URI1: variants seen among roughly 807,000 people sequenced by gnomAD.
URI1 encodes URI1 prefoldin like chaperone, also known as unconventional prefoldin RPB5 interactor 1.
URI1 carries 39 observed loss-of-function variants against 60.2 expected under a neutral mutation model. The ratio of observed to expected loss-of-function variants is 0.65; its 90% confidence interval spans 0.50 to 0.85. The LOEUF is 0.85. Among genes scored for constraint, URI1 ranks in the 40% least tolerant of loss-of-function variants. The probability of loss-of-function intolerance (pLI) is 0.00; values close to 1 mark genes in which losing one functional copy is unlikely to be tolerated. For synonymous variants in URI1, 251 were observed against 236.8 expected (o/e 1.06, Z -0.55); for missense variants, 691 against 665.9 (o/e 1.04, Z -0.42).
Position 29,931,341 on chromosome 19 carries a change from A to T in URI1, c.63+7587A>T, listed in dbSNP as rs535835063. Among the ~76,000 whole-genome samples the T allele has an allele frequency of 6.6e-5, 10 of 152,304 alleles. No individual in the cohort carries two copies. In the East Asian group the frequency reaches 1.7e-3, roughly 26 times the overall value. ...GGATCCATGATGAAGGTGTTGGAAA[A>T]GCCAGTTTCTCATGAAGTTTCTCTT... On this transcript the variant is annotated intron_variant, in intron 1 of 10. Coordinates refer to the URI1 transcript ENST00000360605.
chr19:29,995,321 A>G (rs941570914), intron 4 of URI1, among the ~76,000 whole-genome samples: 2 of 152,092 alleles, frequency 1.3e-5, no homozygotes, highest in African/African-American at 2.4e-5. Flanking sequence ...TTCAGTGATT[A>G]ATTATGTTGA....
intron 4 of URI1, among the ~76,000 whole-genome samples, chr19:29,987,611 T>C (rs1399002207): frequency 6.6e-6 from 1 of 152,206 alleles, no homozygotes; most frequent in Non-Finnish European, 1.5e-5. Flanking sequence ...AGCTCTGATG[T>C]TATGAAATGA....
intron 4 of URI1, among the ~76,000 whole-genome samples, chr19:29,997,294 G>A (rs191945594): frequency 1.3e-5 from 2 of 152,146 alleles, no homozygotes; most frequent in East Asian, 3.9e-4. Flanking sequence ...GTTTTTCTAG[G>A]AATTTGTCTA....
At chr19:30,003,533 G>A (rs960702239) in intron 4 of URI1, among the ~76,000 whole-genome samples, 4 of 151,952 alleles carry the variant, frequency 2.6e-5, no homozygotes, top group Non-Finnish European at 2.9e-5. Context: ...CTGTGCAATC[G>A]TATTTCAGTT....
chr19:29,967,842 T>G (rs2055408606), intron 1 of URI1, among the ~76,000 whole-genome samples: 1 of 152,206 alleles, frequency 6.6e-6, no homozygotes, highest in Non-Finnish European at 1.5e-5. Context: ...TTAAGTAAGT[T>G]ACTTCATCTC....
At chr19:29,930,597 G>T (rs1353826606) in intron 1 of URI1, among the ~76,000 whole-genome samples, 3 of 151,814 alleles carry the variant, frequency 2.0e-5, no homozygotes, top group African/African-American at 7.3e-5. Flanking sequence ...GAATGGTCTT[G>T]AAATTCTCGT....
At chr19:29,951,117 C>T (rs765331931) in intron 1 of URI1, among the ~76,000 whole-genome samples, 4 of 152,116 alleles carry the variant, frequency 2.6e-5, no homozygotes, top group African/African-American at 4.8e-5. Flanking sequence ...CACATACACG[C>T]GTGATTACAT....
At chr19:29,983,544 A>G (rs1466215749) in intron 2 of URI1, among the ~76,000 whole-genome samples, 2 of 152,110 alleles carry the variant, frequency 1.3e-5, no homozygotes, top group East Asian at 1.9e-4. Context: ...CAATTTGACA[A>G]TGTCTACATG....
intron 1 of URI1, among the ~76,000 whole-genome samples, chr19:29,950,640 TATC>T (rs1489663758): frequency 6.6e-6 from 1 of 152,184 alleles, no homozygotes; most frequent in Non-Finnish European, 1.5e-5. Flanking sequence ...CTGAAGCACT[TATC>T]ATTTTACATC....
intron 1 of URI1, chr19:29,956,273 G>T: frequency 1.3e-6 from 1 of 746,486 alleles, no homozygotes; most frequent in Non-Finnish European, 2.0e-6. Flanking sequence ...ACGGCGCCTG[G>T]CCCAGAGTAG....
chr19:29,976,758 C>T (rs1249243210), intron 2 of URI1, among the ~76,000 whole-genome samples: 1 of 152,150 alleles, frequency 6.6e-6, no homozygotes, highest in Non-Finnish European at 1.5e-5. Flanking sequence ...AAATCGTATG[C>T]ATGTGAGTTG....
rs767111698 is a variant in URI1 at position 30,014,997 on chromosome 19, G to C, written c.1536G>C (p.Leu512=). 1 of 1,613,832 alleles carries C rather than the reference G, an allele frequency of 6.2e-7. No homozygotes were observed. The highest frequency in any genetic ancestry group is 1.1e-5 in the South Asian group (1 of 91,062). The change falls in exon 11 of 11, where the codon CTG becomes CTC. Residue 512 remains leucine, a synonymous_variant. Coordinates refer to ENST00000392271, the MANE Select transcript of URI1 (RefSeq NM_003796.3). ...LPTIPERKEV[L]LEASEETGKR... ...CTATTCCAGAACGAAAGGAAGTTCT[G>C]TTGGAAGCATCTGAAGAAACTGGAA...
At chr19:29,972,242 A>G (rs1468304164) in intron 2 of URI1, among the ~76,000 whole-genome samples, 1 of 152,086 alleles carries the variant, frequency 6.6e-6, no homozygotes, top group Non-Finnish European at 1.5e-5. Context: ...TATCCACTTT[A>G]TAAGTAAAAA....
At chr19:29,955,263 C>T (rs922175036) in intron 1 of URI1, among the ~76,000 whole-genome samples, 1 of 151,952 alleles carries the variant, frequency 6.6e-6, no homozygotes, top group Non-Finnish European at 1.5e-5. Flanking sequence ...CGTGCCCGGC[C>T]TCCTTATCAT....
chr19:30,014,786 A>T, intron 10 of URI1, 101 bp from the exon 11 acceptor site: 1 of 1,223,588 alleles, frequency 8.2e-7, no homozygotes, highest in Middle Eastern at 2.1e-4. Context: ...AAATCTCGTG[A>T]ATTTACTTTT....
intron 2 of URI1, chr19:29,983,415 T>A (rs1212693466): frequency 6.6e-6 from 1 of 152,200 alleles, no homozygotes; most frequent in Non-Finnish European, 1.5e-5. Context: ...TAATTTTTTT[T>A]TATTAATTAT....
rs62106274 is a variant in URI1, at chr19:29,987,352, A to C, written c.367+935A>C. On this transcript the variant is annotated intron_variant, in intron 4 of 10. Transcript: ENST00000392271. ...TACTAGAGAACTCATTTACTCAGTG[A>C]AATTCTGGGAACTATATTTGGAGAC... 5.8e-3 allele frequency among the ~76,000 whole-genome samples: 882 copies of C among 152,302 alleles called. 6 individuals carry two copies. Among genetic ancestry groups the C allele is most frequent in the Non-Finnish European group, 6.1e-3 (412 of 68,020 alleles).
intron 2 of URI1, among the ~76,000 whole-genome samples, chr19:29,983,599 A>AT (rs2055624717): frequency 6.6e-6 from 1 of 152,040 alleles, no homozygotes; most frequent in African/African-American, 2.4e-5. Context: ...TGTTTCTGTT[A>AT]TTTTTAAAAA....
chr19:29,954,785 T>C (rs1001450823), intron 1 of URI1, among the ~76,000 whole-genome samples: 5 of 152,126 alleles, frequency 3.3e-5, no homozygotes, highest in African/African-American at 1.2e-4. Flanking sequence ...CCCAAAGTGC[T>C]AGGATTACAG....
Sources: gnomAD v4.1 joint callset for allele counts (sites outside exome capture counted in the v4.1 genomes callset) on GRCh38, gnomAD v4.1.1 for gene constraint, MANE v1.5 for transcripts, NCBI Gene and HGNC (gene_info 2026-07-23, HGNC 2026-07-21) for gene names.